EMSY: variants seen among roughly 807,000 people sequenced by gnomAD.
The protein encoded by EMSY is EMSY transcriptional repressor, BRCA2 interacting, also known as BRCA2-interacting transcriptional repressor EMSY.
EMSY carries 26 observed loss-of-function variants against 134.6 expected under a neutral mutation model. The ratio of observed to expected loss-of-function variants is 0.19; its 90% CI spans 0.14 to 0.27. The LOEUF (loss-of-function observed/expected upper bound fraction) is 0.27, where lower values mean the gene tolerates loss of function less well. Among genes scored for constraint, EMSY ranks in the 10% least tolerant of loss-of-function variants. The probability of loss-of-function intolerance (pLI) is 1.00; values close to 1 mark genes in which losing one functional copy is unlikely to be tolerated. For synonymous variants in EMSY, 579 were observed against 577.8 expected (o/e 1.00, Z -0.03); for missense variants, 1,305 against 1,611.4 (o/e 0.81, Z 3.26).
chr11:76,534,007 G>A (rs1337689147), intron 14 of EMSY, among the ~76,000 whole-genome samples: 2 of 152,150 alleles, frequency 1.3e-5, no homozygotes, highest in Non-Finnish European at 2.9e-5. Context: ...ATGATGGTCA[G>A]CTGCTCTTTC....
intron 8 of EMSY, among the ~76,000 whole-genome samples, chr11:76,489,464 A>T (rs1053715166): frequency 2.6e-5 from 4 of 151,836 alleles, no homozygotes; most frequent in Non-Finnish European, 5.9e-5. Context: ...TGTCTTCTTG[A>T]TGGATTAACC....
intron 8 of EMSY, among the ~76,000 whole-genome samples, chr11:76,485,350 G>A (rs369655036): frequency 3.3e-5 from 5 of 152,212 alleles, no homozygotes; most frequent in East Asian, 3.9e-4. Flanking sequence ...TATCCACCAC[G>A]ATCAAACTGG....
Position 76,526,738 on chromosome 11 carries a change from A to G in EMSY, c.1995+103A>G, listed in dbSNP as rs1352782733. On this transcript the variant is annotated intron_variant, in intron 13 of 20. Transcript: ENST00000334736. ...GGAAAAGATCAGCAATCTTTAAGAA[A>G]TCAGATTGTTAAAAGTTATGTTTGA... 3.5e-6 allele frequency: 4 copies of G among 1,145,568 alleles called. No homozygotes were observed. The African/African-American group carries it at 6.3e-5, about 18-fold the overall frequency. The allele number at this position is 1,145,568 out of a possible 1,614,324, so 71.0% of individuals were successfully genotyped here. A position where few individuals can be genotyped will look rare whatever the true frequency, so the allele number is the denominator to read the frequency against.
intron 9 of EMSY, among the ~76,000 whole-genome samples, chr11:76,498,293 C>G (rs951453582): frequency 7.2e-5 from 11 of 152,002 alleles, no homozygotes; most frequent in Non-Finnish European, 1.2e-4. Context: ...ATCTATGCTG[C>G]CGATGTTGGG....
chr11:76,501,730 G>A (rs1415457130), intron 9 of EMSY, among the ~76,000 whole-genome samples: 1 of 152,070 alleles, frequency 6.6e-6, no homozygotes, highest in African/African-American at 2.4e-5. Flanking sequence ...ACATATAATG[G>A]AAGTACGAGA....
At chr11:76,503,606 TAACTC>T (rs1314654357) in intron 9 of EMSY, among the ~76,000 whole-genome samples, 3 of 152,116 alleles carry the variant, frequency 2.0e-5, no homozygotes, top group Non-Finnish European at 4.4e-5. Context: ...TATACAAAAT[TAACTC>T]AAATGAATCA....
Position 76,531,134 on chromosome 11 carries a change from C to T in EMSY, c.2194+2668C>T, listed in dbSNP as rs191920087. 2.6e-3 allele frequency among the ~76,000 whole-genome samples: 390 copies of T among 152,104 alleles called. 3 individuals carry two copies. The highest frequency in any genetic ancestry group is 4.3e-3 in the Non-Finnish European group (290 of 67,974). On this transcript the variant is annotated intron_variant, in intron 14 of 20. Transcript: ENST00000334736. ...GAGAGTAAGTTGAGCTAACATGTTT[C>T]TTATATTTACTTACATTTGTAGGCC...
At chr11:76,446,325 A>ATATATATATGTG (rs1456406607) in intron 1 of EMSY, among the ~76,000 whole-genome samples, 176 of 97,184 alleles carry the variant, frequency 1.8e-3, no homozygotes, top group Non-Finnish European at 2.3e-3. Flanking sequence ...GTGTGTGTGT[A>ATATATATATGTG]TATATATATG....
intron 9 of EMSY, among the ~76,000 whole-genome samples, chr11:76,501,642 T>C (rs1400423382): frequency 6.6e-6 from 1 of 151,846 alleles, no homozygotes; most frequent in Non-Finnish European, 1.5e-5. Context: ...TTATGTGAGC[T>C]GAAGAACAAA....
chr11:76,484,928 CA>C (rs201336578), intron 8 of EMSY, among the ~76,000 whole-genome samples: 2,810 of 105,796 alleles, frequency 0.027, 56 homozygotes, highest in East Asian at 0.12. Context: ...AACTCCATCT[CA>C]AAAAAAAAAA....
At chr11:76,521,824 G>A (rs952729484) in intron 11 of EMSY, among the ~76,000 whole-genome samples, 3 of 150,374 alleles carry the variant, frequency 2.0e-5, no homozygotes, top group Admixed American at 6.6e-5. Flanking sequence ...CCAACACTTC[G>A]TGAAGCTGAG....
At chr11:76,490,312 T>G (rs1296768445) in intron 8 of EMSY, among the ~76,000 whole-genome samples, 1 of 152,182 alleles carries the variant, frequency 6.6e-6, no homozygotes, top group Non-Finnish European at 1.5e-5. Context: ...TTTTTGTTCT[T>G]GAAGTTGACC....
intron 7 of EMSY, among the ~76,000 whole-genome samples, chr11:76,465,051 G>A (rs1243638476): frequency 6.6e-6 from 1 of 152,054 alleles, no homozygotes; most frequent in Non-Finnish European, 1.5e-5. Flanking sequence ...TCCTTGGTGT[G>A]GGTCTTTATT....
At chr11:76,481,169 G>A (rs1174323152) in intron 8 of EMSY, among the ~76,000 whole-genome samples, 5 of 152,026 alleles carry the variant, frequency 3.3e-5, no homozygotes, top group African/African-American at 4.8e-5. Flanking sequence ...TCAGCCTCTC[G>A]AATAGCTGGG....
chr11:76,533,376 G>A (rs1331610078), intron 14 of EMSY, among the ~76,000 whole-genome samples: 4 of 152,134 alleles, frequency 2.6e-5, no homozygotes, highest in Admixed American at 6.6e-5. Context: ...AGACCTAGAA[G>A]CGCTAAGTAG....
At chr11:76,511,150 A>G (rs778580551) in intron 9 of EMSY, among the ~76,000 whole-genome samples, 2 of 152,152 alleles carry the variant, frequency 1.3e-5, no homozygotes, top group Non-Finnish European at 2.9e-5. Context: ...GAATTCTCCA[A>G]TGCAACTATC....
At chr11:76,526,489 A>G (rs1207550133) in exon 13 of EMSY, 2 of 1,613,088 alleles carry the variant, frequency 1.2e-6, no homozygotes, top group South Asian at 1.1e-5. Context: ...GACAGTGCCA[A>G]CAGGAGCAAA....
chr11:76,520,687 T>A (rs983636609), intron 11 of EMSY, among the ~76,000 whole-genome samples: 2 of 152,156 alleles, frequency 1.3e-5, no homozygotes, highest in Non-Finnish European at 2.9e-5. Context: ...GGCAAATATA[T>A]TGTAAAGACA....
At chr11:76,551,500 G>GA (rs532834246) in exon 21 of EMSY, 27 of 152,698 alleles carry the variant, frequency 1.8e-4, no homozygotes, top group Admixed American at 1.6e-3. Flanking sequence ...CATCTGGGGG[G>GA]AAAAAGCTGT....
Sources: allele counts gnomAD v4.1 joint callset (sites outside exome capture counted in the v4.1 genomes callset), GRCh38; gene constraint gnomAD v4.1.1; transcripts MANE v1.5; gene names NCBI Gene and HGNC (gene_info 2026-07-23, HGNC 2026-07-21).